Variants in PTPN20 observed in about 807,000 individuals in gnomAD.
PTPN20 encodes tyrosine-protein phosphatase non-receptor type 20.
In PTPN20, 9 loss-of-function variants were observed where a neutral mutation model predicts 35.0. The observed-to-expected ratio is 0.26, with a 90% CI of 0.15 to 0.45. PTPN20 has a LOEUF of 0.45. Ranked by LOEUF, PTPN20 falls within the 20% of genes least tolerant of loss-of-function variation. The pLI is 1.00. For synonymous variants in PTPN20, 32 were observed against 100.2 expected, an observed-to-expected ratio of 0.32 and a Z score of 4.06; for missense variants, 111 against 312.5, an observed-to-expected ratio of 0.36 and a Z score of 4.86.
chr10:46,938,349 A>T (rs2133782457), intron 2 of PTPN20, among the ~76,000 whole-genome samples: 1 of 97,660 alleles, frequency 1.0e-5, no homozygotes, highest in Non-Finnish European at 2.0e-5. Context: ...CCTTTTTTAT[A>T]GGTGGCCCTA....
In PTPN20 at chr10:47,000,027, A is replaced by G. The variant is rs1457749827; in HGVS notation, c.1197+53A>G. Reference sequence around the variant, plus strand: ...AAGAATAATGAATATAAAGATTAACATTGCATAACACTTTACCACTTAAAA... The same window carrying G: ...AAGAATAATGAATATAAAGATTAACGTTGCATAACACTTTACCACTTAAAA... On this transcript the variant is annotated intron_variant, in intron 10 of 10. Transcript: ENST00000374339. The G allele has an allele frequency of 5.6e-6, 9 of 1,606,348 alleles. No homozygotes were observed. In the South Asian group the frequency reaches 6.6e-5, roughly 12 times the overall value.
At chr10:46,938,950 G>C (rs1433051905) in intron 2 of PTPN20, among the ~76,000 whole-genome samples, 1 of 151,360 alleles carries the variant, frequency 6.6e-6, no homozygotes, top group Non-Finnish European at 1.5e-5. Context: ...TTTTTTGTTT[G>C]TCAGGTGAGG....
At chr10:46,999,253 G>A (rs1355675384) in intron 9 of PTPN20, among the ~76,000 whole-genome samples, 3 of 152,264 alleles carry the variant, frequency 2.0e-5, no homozygotes, top group East Asian at 1.9e-4. Flanking sequence ...TTGCTGAAAC[G>A]ACTCATTCTC....
At chr10:46,989,040 CAT>C (rs1204427793) in intron 9 of PTPN20, among the ~76,000 whole-genome samples, 2 of 136,196 alleles carry the variant, frequency 1.5e-5, no homozygotes, top group Non-Finnish European at 3.1e-5. Flanking sequence ...TATATATATA[CAT>C]ATATATATGA....
Position 47,000,933 on chromosome 10 carries a change from T to C in PTPN20, c.*192T>C, listed in dbSNP as rs1421300665. On this transcript the variant is annotated 3_prime_UTR_variant, in exon 11 of 11. Coordinates refer to ENST00000374339, the MANE Select transcript of PTPN20 (RefSeq NM_001042357.5). ...GCTTGGGGTGATCAGTGTTTACTTA[T>C]TGATCTTGCTAGACAATATCAAAAT... 6 of 666,690 alleles carry C rather than the reference T, an allele frequency of 9.0e-6. No homozygotes were observed. The highest frequency in any genetic ancestry group is 1.8e-5 in the African/African-American group (1 of 54,784). 41.3% of individuals were successfully genotyped at this position (666,690 alleles called of 1,614,324 possible). A position where few individuals can be genotyped will look rare whatever the true frequency, so the allele number is the denominator to read the frequency against.
At chr10:46,945,152 A>C (rs1403888695) in intron 4 of PTPN20, among the ~76,000 whole-genome samples, 1 of 146,788 alleles carries the variant, frequency 6.8e-6, no homozygotes, top group Non-Finnish European at 1.5e-5. Flanking sequence ...GCAGAAGATG[A>C]GAGGTGGAGC....
chr10:46,931,992 C>T (rs1269000579), intron 1 of PTPN20, among the ~76,000 whole-genome samples: 2 of 148,204 alleles, frequency 1.3e-5, no homozygotes, highest in Non-Finnish European at 2.9e-5. Context: ...GTACTGAATT[C>T]TCAGCACCTA....
downstream of PTPN20, among the ~76,000 whole-genome samples, chr10:47,003,551 C>T (rs1037383564): frequency 1.7e-4 from 23 of 137,344 alleles, no homozygotes; most frequent in African/African-American, 5.8e-4. Flanking sequence ...TTCTCTATAT[C>T]TATTAGTCTG....
chr10:46,990,442 T>C (rs2057751838), intron 9 of PTPN20, among the ~76,000 whole-genome samples: 1 of 114,868 alleles, frequency 8.7e-6, no homozygotes, highest in Admixed American at 8.2e-5. Flanking sequence ...AGTTCTGCTC[T>C]GATTTTGGTT....
intron 9 of PTPN20, among the ~76,000 whole-genome samples, chr10:46,988,729 C>T (rs1310197807): frequency 3.1e-4 from 47 of 152,134 alleles, no homozygotes; most frequent in Non-Finnish European, 4.4e-4. Flanking sequence ...TTCCATTTTC[C>T]AATTCATTAG....
At chr10:46,944,998 A>G in intron 4 of PTPN20, among the ~76,000 whole-genome samples, 1 of 143,598 alleles carries the variant, frequency 7.0e-6, no homozygotes, top group Non-Finnish European at 1.5e-5. Flanking sequence ...GAAACCTAGC[A>G]GGTGAAAAAG....
At chr10:46,988,789 GT>G (rs2057325798) in intron 9 of PTPN20, among the ~76,000 whole-genome samples, 1 of 150,118 alleles carries the variant, frequency 6.7e-6, no homozygotes, top group South Asian at 2.1e-4. Flanking sequence ...TTTCATCAGT[GT>G]TTTATAGTTT....
rs557773683 is a variant in PTPN20 at position 46,953,783 on chromosome 10, GT to G, written c.340+7113del. Among the ~76,000 whole-genome samples the G allele has an allele frequency of 1.1e-4, 16 of 148,030 alleles. No individual in the cohort carries two copies. In the South Asian group the frequency reaches 3.2e-3, roughly 29 times the overall value. Reference sequence around the variant, plus strand: ...CCCAACTTTGTGATGGTGTAATATTGTTTTTATGTTTTACGATTTGATTTGC... The same window carrying G: ...CCCAACTTTGTGATGGTGTAATATTGTTTTATGTTTTACGATTTGATTTGC... On this transcript the variant is annotated intron_variant, in intron 5 of 10. Coordinates refer to ENST00000374339, the MANE Select transcript of PTPN20 (RefSeq NM_001042357.5).
chr10:46,994,634 C>A (rs2058716422), intron 9 of PTPN20, among the ~76,000 whole-genome samples: 1 of 152,038 alleles, frequency 6.6e-6, no homozygotes, highest in Non-Finnish European at 1.5e-5. Context: ...GCGCCCGGCC[C>A]TGATGCTCTT....
chr10:46,953,995 C>T (rs1266566994), intron 5 of PTPN20, among the ~76,000 whole-genome samples: 2 of 124,158 alleles, frequency 1.6e-5, no homozygotes, highest in Non-Finnish European at 3.2e-5. Context: ...GGTAGTATTG[C>T]TTCCTTAAAT....
At chr10:46,984,988 C>T in intron 8 of PTPN20, among the ~76,000 whole-genome samples, 1 of 79,356 alleles carries the variant, frequency 1.3e-5, no homozygotes, top group South Asian at 5.5e-4. Flanking sequence ...CTTTGGGGCT[C>T]AGAAGGTAAA....
intron 5 of PTPN20, among the ~76,000 whole-genome samples, chr10:46,949,343 C>G (rs1430284538): frequency 2.6e-4 from 39 of 152,338 alleles, no homozygotes; most frequent in African/African-American, 8.9e-4. Context: ...TGGCCCACAT[C>G]CAGCTATCAG....
At chr10:46,920,495 T>G (rs2034741915) in intron 1 of PTPN20, among the ~76,000 whole-genome samples, 1 of 150,586 alleles carries the variant, frequency 6.6e-6, no homozygotes, top group Admixed American at 6.6e-5. Flanking sequence ...AGGGAAAGAG[T>G]ATATATATAT....
intron 9 of PTPN20, among the ~76,000 whole-genome samples, chr10:46,998,586 A>T (rs2059551388): frequency 6.6e-6 from 1 of 152,086 alleles, no homozygotes. Flanking sequence ...GAATCTTCAC[A>T]TATGATATAA....
Sources: allele counts gnomAD v4.1 joint callset (sites outside exome capture counted in the v4.1 genomes callset), GRCh38; gene constraint gnomAD v4.1.1; transcripts MANE v1.5; gene names NCBI Gene and HGNC (gene_info 2026-07-23, HGNC 2026-07-21).